The following ERG variants were observed in gnomAD, a reference collection of about 807,000 sequenced individuals.
ERG encodes ETS transcription factor ERG.
ERG carries 9 observed loss-of-function variants against 55.3 expected under a neutral mutation model. The ratio of observed to expected loss-of-function variants is 0.16; its 90% CI spans 0.10 to 0.28. The LOEUF is 0.28. Ranked by LOEUF, ERG falls within the 10% of genes least tolerant of loss-of-function variation. The pLI, the probability that ERG is intolerant of heterozygous loss-of-function variation, is 1.00. For missense variants in ERG, 434 were observed against 631.6 expected (o/e 0.69, Z 3.35); for synonymous variants, 223 against 237.3 (o/e 0.94, Z 0.55).
chr21:38,404,915 T>G (rs1988690359), intron 3 of ERG, among the ~76,000 whole-genome samples: 1 of 152,230 alleles, frequency 6.6e-6, no homozygotes, highest in Non-Finnish European at 1.5e-5. Context: ...TTTTTAGGTT[T>G]GCAGAGGTAA....
intron 1 of ERG, chr21:38,661,536 A>C (rs1230713875): frequency 6.6e-6 from 1 of 152,224 alleles, no homozygotes; most frequent in African/African-American, 2.4e-5. Context: ...CGGCGTCTGC[A>C]ACCAGCAGCC....
the ERG span, among the ~76,000 whole-genome samples, chr21:38,372,118 CAAAT>C: frequency 6.6e-6 from 1 of 151,976 alleles, no homozygotes; most frequent in Admixed American, 6.6e-5. Flanking sequence ...ACTTTTCAAA[CAAAT>C]AGGCATAAAG....
chr21:38,448,246 C>T (rs2146563417), intron 1 of ERG, among the ~76,000 whole-genome samples: 1 of 152,152 alleles, frequency 6.6e-6, no homozygotes, highest in Non-Finnish European at 1.5e-5. Flanking sequence ...AGGAAAAAAC[C>T]CTCAGAAATG....
At chr21:38,556,542 T>C (rs1216595148) in intron 2 of ERG, among the ~76,000 whole-genome samples, 1 of 152,136 alleles carries the variant, frequency 6.6e-6, no homozygotes, top group Admixed American at 6.5e-5. Context: ...AATATCCCTT[T>C]TCCTCCTTGG....
At chr21:38,606,729 A>G (rs545718253) in intron 1 of ERG, among the ~76,000 whole-genome samples, 94 of 152,190 alleles carry the variant, frequency 6.2e-4, no homozygotes, top group Non-Finnish European at 1.2e-3. Flanking sequence ...AAAATTTAAT[A>G]GACTATCTTA....
Position 38,382,012 on chromosome 21 carries a change from C to A in ERG, c.*1391G>T, listed in dbSNP as rs773512930. 77 of 1,060,342 alleles carry A rather than the reference C, an allele frequency of 7.3e-5. No individual in the cohort carries two copies. Among genetic ancestry groups the A allele is most frequent in the Middle Eastern group, 4.2e-4 (1 of 2,396 alleles). The allele number at this position is 1,060,342 out of a possible 1,614,324, so 65.7% of individuals were successfully genotyped here. A position where few individuals can be genotyped will look rare whatever the true frequency, so the allele number is the denominator to read the frequency against. On this transcript the variant is annotated 3_prime_UTR_variant, in exon 10 of 10. Transcript: ENST00000288319. ...TTAGTCACTAAAAAAAGTGCAAATG[C>A]AGACTCCTGTATAAATCTGATTTGC... is the stretch of plus-strand genomic sequence containing the variant.
chr21:38,650,695 A>G (rs1342421065), intron 1 of ERG, among the ~76,000 whole-genome samples: 2 of 152,224 alleles, frequency 1.3e-5, no homozygotes, highest in Non-Finnish European at 2.9e-5. Flanking sequence ...AGGTTACTCA[A>G]TGACGCATCA....
chr21:38,543,043 C>A (rs545230358), intron 2 of ERG, among the ~76,000 whole-genome samples: 1 of 152,154 alleles, frequency 6.6e-6, no homozygotes, highest in South Asian at 2.1e-4. Flanking sequence ...AGATGGGTGG[C>A]CCACCGGAGA....
chr21:38,629,086 G>A (rs117758665), intron 1 of ERG, among the ~76,000 whole-genome samples: 226 of 152,292 alleles, frequency 1.5e-3, no homozygotes, highest in South Asian at 4.8e-3. Flanking sequence ...TATTTACAGA[G>A]TCCTGCAGCC....
In ERG at chr21:38,648,324, G is replaced by A. The variant is rs372292166; in HGVS notation, c.-150+13334C>T. On this transcript the variant is annotated intron_variant, in intron 1 of 10. Transcript: ENST00000398910. ...TTTCAAATGGGGCCGCGATGCTACC[G>A]CATGTTGTCCTGACCAGTGCCGTCC... 4.2e-4 allele frequency among the ~76,000 whole-genome samples: 64 copies of A among 152,268 alleles called. No individual in the cohort carries two copies. The East Asian group carries it at 7.3e-3, about 17-fold the overall frequency.
intron 1 of ERG, among the ~76,000 whole-genome samples, chr21:38,447,354 A>G (rs2058901461): frequency 6.6e-6 from 1 of 151,876 alleles, no homozygotes; most frequent in Non-Finnish European, 1.5e-5. Flanking sequence ...GGGAAAGACT[A>G]AGCCTGCTGT....
chr21:38,569,162 C>A (rs1342918143), intron 2 of ERG, among the ~76,000 whole-genome samples: 1 of 152,184 alleles, frequency 6.6e-6, no homozygotes, highest in East Asian at 1.9e-4. Flanking sequence ...TTGATCCCTT[C>A]TCTCCCTCCC....
intron 1 of ERG, among the ~76,000 whole-genome samples, chr21:38,639,215 G>C (rs2146967941): frequency 6.6e-6 from 1 of 152,258 alleles, no homozygotes; most frequent in Non-Finnish European, 1.5e-5. Flanking sequence ...TGGGCACACA[G>C]TTTCCTAGTG....
intron 2 of ERG, among the ~76,000 whole-genome samples, chr21:38,555,526 T>C (rs1304415639): frequency 3.9e-5 from 6 of 152,106 alleles, no homozygotes; most frequent in African/African-American, 1.4e-4. Flanking sequence ...ACATAAAGGA[T>C]GTAACTTATA....
chr21:38,369,531 G>A, the ERG span, among the ~76,000 whole-genome samples: 3 of 152,126 alleles, frequency 2.0e-5, no homozygotes, highest in Admixed American at 2.0e-4. Context: ...TTAGACCTTT[G>A]TTAGATGTAT....
intron 1 of ERG, among the ~76,000 whole-genome samples, chr21:38,591,345 A>C (rs759741372): frequency 6.6e-6 from 1 of 152,212 alleles, no homozygotes; most frequent in Admixed American, 6.5e-5. Flanking sequence ...AAAAACAGGG[A>C]GGATATGCAA....
upstream of ERG, among the ~76,000 whole-genome samples, chr21:38,589,527 G>A (rs916348796): frequency 6.6e-6 from 1 of 152,190 alleles, no homozygotes; most frequent in South Asian, 2.1e-4. Context: ...TTCTCACCAC[G>A]GATTGGTTTA....
chr21:38,414,465 T>C (rs1173462146), intron 3 of ERG, among the ~76,000 whole-genome samples: 1 of 152,120 alleles, frequency 6.6e-6, no homozygotes, highest in Non-Finnish European at 1.5e-5. Flanking sequence ...ATATCTTGAG[T>C]CCCCAGGGCA....
rs533967460 is a variant in ERG at position 38,485,008 on chromosome 21, CA to C, written c.18+13354del. Among the ~76,000 whole-genome samples, 1,017 of 139,636 alleles carry C rather than the reference CA, an allele frequency of 7.3e-3. 10 individuals are homozygous for C. The highest frequency in any genetic ancestry group is 0.026 in the Middle Eastern group (7 of 270). 91.6% of individuals were successfully genotyped at this position (139,636 alleles called of 152,430 possible). ...TTTTAGAGTGTACTTTTTCTATTTC[CA>C]AAAAAAAAAAAAGTTAATTGTAAAA... On this transcript the variant is annotated intron_variant, in intron 1 of 9. Transcript: ENST00000288319.
Sources: gnomAD v4.1 joint callset for allele counts (sites outside exome capture counted in the v4.1 genomes callset) on GRCh38, gnomAD v4.1.1 for gene constraint, MANE v1.5 for transcripts, NCBI Gene and HGNC (gene_info 2026-07-23, HGNC 2026-07-21) for gene names.